The following NR2C1 variants were observed in gnomAD, a reference collection of about 807,000 sequenced individuals.
The protein encoded by NR2C1 is TR2 nuclear hormone receptor.
Under a neutral mutation model 74.8 loss-of-function variants are expected in NR2C1, and 33 were observed. The observed-to-expected ratio is 0.44, with a 90% CI of 0.33 to 0.59. NR2C1 has a LOEUF of 0.59. NR2C1 is among the 20% of genes least tolerant of loss of function. The probability of loss-of-function intolerance (pLI) is 0.02; values close to 1 mark genes in which losing one functional copy is unlikely to be tolerated. For synonymous variants in NR2C1, 225 were observed against 240.6 expected (o/e 0.94, Z 0.60); for missense variants, 568 against 715.6 (o/e 0.79, Z 2.35).
At chr12:95,071,045 C>A (rs936019287) in intron 1 of NR2C1, among the ~76,000 whole-genome samples, 2 of 152,088 alleles carry the variant, frequency 1.3e-5, no homozygotes, top group Non-Finnish European at 2.9e-5. Context: ...ACGAAAAATA[C>A]AAAAATTTAG....
chr12:95,029,680 C>T (rs1279166806), intron 11 of NR2C1, among the ~76,000 whole-genome samples: 1 of 151,836 alleles, frequency 6.6e-6, no homozygotes, highest in Non-Finnish European at 1.5e-5. Context: ...CCTCAGCCTC[C>T]TGAGTAGCTG....
In NR2C1 at chr12:95,047,544, G is replaced by A. The variant is rs954636136; in HGVS notation, c.1131+1524C>T. Among the ~76,000 whole-genome samples, 11 of 152,052 alleles carry A rather than the reference G, an allele frequency of 7.2e-5. No individual in the cohort carries two copies. The East Asian group carries it at 2.1e-3, about 29-fold the overall frequency. The stretch of plus-strand genomic sequence containing the variant: ...ATTTTATAGATACAAATATTACTTT[G>A]CACTCATAACTTCTACTGGTATACA... On this transcript the variant is annotated intron_variant, in intron 9 of 13. Coordinates refer to ENST00000333003, the MANE Select transcript of NR2C1 (RefSeq NM_003297.4).
intron 10 of NR2C1, among the ~76,000 whole-genome samples, chr12:95,039,989 G>T (rs1871309655): frequency 6.6e-6 from 1 of 151,778 alleles, no homozygotes; most frequent in Non-Finnish European, 1.5e-5. Flanking sequence ...CATTGTAGTG[G>T]TACTATGAGG....
At chr12:95,038,918 T>C (rs1592741422) in intron 10 of NR2C1, among the ~76,000 whole-genome samples, 1 of 152,106 alleles carries the variant, frequency 6.6e-6, no homozygotes, top group African/African-American at 2.4e-5. Flanking sequence ...ATTGCCAATA[T>C]GCAAATTTAC....
At chr12:95,052,701 G>C (rs1873203752) in intron 7 of NR2C1, among the ~76,000 whole-genome samples, 1 of 151,816 alleles carries the variant, frequency 6.6e-6, no homozygotes, top group African/African-American at 2.4e-5. Flanking sequence ...GATCCTCCCT[G>C]CCTCAGCCTC....
intron 2 of NR2C1, chr12:95,067,034 C>A: frequency 7.7e-6 from 3 of 391,366 alleles, no homozygotes; most frequent in Non-Finnish European, 1.4e-5. Flanking sequence ...AAAAAGAATT[C>A]CCTCAAAAGC....
At chr12:95,046,428 A>C (rs527602118) in intron 9 of NR2C1, among the ~76,000 whole-genome samples, 6 of 152,216 alleles carry the variant, frequency 3.9e-5, no homozygotes, top group South Asian at 4.1e-4. Flanking sequence ...TCTACACAAA[A>C]ATTTTTTAAA....
chr12:95,047,994 T>C (rs1483265306), intron 9 of NR2C1, among the ~76,000 whole-genome samples: 1 of 152,222 alleles, frequency 6.6e-6, no homozygotes, highest in African/African-American at 2.4e-5. Context: ...ACAAAATAAA[T>C]TATAAATGTA....
intron 11 of NR2C1, chr12:95,030,367 T>A: frequency 1.0e-6 from 1 of 961,174 alleles, no homozygotes. Context: ...AAAACAGATA[T>A]TTAGTAAAAA....
At chr12:95,046,341 T>G (rs979686285) in intron 9 of NR2C1, among the ~76,000 whole-genome samples, 1 of 152,218 alleles carries the variant, frequency 6.6e-6, no homozygotes, top group Non-Finnish European at 1.5e-5. Flanking sequence ...ATCCCAGCAC[T>G]TCGGGAGGCC....
At chr12:95,055,562 ATTTCC>A (rs1873704917) in intron 7 of NR2C1, among the ~76,000 whole-genome samples, 1 of 152,216 alleles carries the variant, frequency 6.6e-6, no homozygotes, top group Non-Finnish European at 1.5e-5. Context: ...ATGAAATTTG[ATTTCC>A]GAGCCTAAGT....
At chr12:95,035,128 T>C (rs550995607) in intron 10 of NR2C1, among the ~76,000 whole-genome samples, 94 of 152,182 alleles carry the variant, frequency 6.2e-4, no homozygotes, top group Non-Finnish European at 9.6e-4. Flanking sequence ...AATTTACATG[T>C]ACTAACATAG....
At chr12:95,052,204 G>T in intron 7 of NR2C1, among the ~76,000 whole-genome samples, 1 of 149,892 alleles carries the variant, frequency 6.7e-6, no homozygotes, top group Non-Finnish European at 1.5e-5. Context: ...TCACTAGGCT[G>T]GAGTGCCGTG....
chr12:95,044,644 G>C (rs539070795), intron 9 of NR2C1, among the ~76,000 whole-genome samples: 10 of 152,158 alleles, frequency 6.6e-5, no homozygotes, highest in East Asian at 3.9e-4. Context: ...CAGCACTTTG[G>C]GGGGGCCGAG....
At chr12:95,031,188 T>G (rs1052490281) in intron 11 of NR2C1, among the ~76,000 whole-genome samples, 161 bp downstream of exon 11, 8 of 151,538 alleles carry the variant, frequency 5.3e-5, no homozygotes, top group African/African-American at 2.0e-4. Flanking sequence ...TTTAGAGGAT[T>G]AGTAAATTTA....
chr12:95,049,465 T>G (rs1872701089), intron 8 of NR2C1: 1 of 366,846 alleles, frequency 2.7e-6, no homozygotes, highest in Non-Finnish European at 4.8e-6. Context: ...GAGAAGCATC[T>G]TCATATTTTC....
intron 7 of NR2C1, among the ~76,000 whole-genome samples, chr12:95,054,799 G>A (rs1341780996): frequency 6.6e-6 from 1 of 151,546 alleles, no homozygotes; most frequent in East Asian, 1.9e-4. Flanking sequence ...GGTGTTTCTC[G>A]CAGAGGGGGA....
intron 13 of NR2C1, among the ~76,000 whole-genome samples, chr12:95,024,908 G>A (rs533587112): frequency 6.6e-6 from 1 of 152,322 alleles, no homozygotes; most frequent in South Asian, 2.1e-4. Context: ...CATTTACTGT[G>A]TGACCTTAAG....
intron 11 of NR2C1, chr12:95,030,751 A>C: frequency 6.2e-7 from 1 of 1,608,866 alleles, no homozygotes. Context: ...TCAAAAGGCA[A>C]TTTTCCCCAT....
Sources: gnomAD v4.1 joint callset for allele counts (sites outside exome capture counted in the v4.1 genomes callset) on GRCh38, gnomAD v4.1.1 for gene constraint, MANE v1.5 for transcripts, NCBI Gene and HGNC (gene_info 2026-07-23, HGNC 2026-07-21) for gene names.